TPX2: variants seen among roughly 807,000 people sequenced by gnomAD.
The protein encoded by TPX2 is targeting protein for Xklp2.
Under a neutral mutation model 93.6 loss-of-function variants are expected in TPX2, and 21 were observed. The observed-to-expected ratio is 0.22, with a 90% CI of 0.16 to 0.32. The LOEUF is 0.32. Ranked by LOEUF, TPX2 falls within the 10% of genes least tolerant of loss-of-function variation. The probability of loss-of-function intolerance (pLI) is 1.00; values close to 1 mark genes in which losing one functional copy is unlikely to be tolerated. For synonymous variants in TPX2, 281 were observed against 298.3 expected, an observed-to-expected ratio of 0.94 and a Z score of 0.60; for missense variants, 776 against 871.1, an observed-to-expected ratio of 0.89 and a Z score of 1.37.
At chr20:31,798,654 T>C in intron 17 of TPX2, 102 bp downstream of exon 17, 1 of 1,370,624 alleles carries the variant, frequency 7.3e-7, no homozygotes, top group Non-Finnish European at 9.7e-7. Context: ...CCCGCAAGGC[T>C]GTACCAAAGA....
Position 31,792,881 on chromosome 20 carries a change from A to G in TPX2, c.1509+51A>G, listed in dbSNP as rs375452376. The G allele has an allele frequency of 3.3e-6, 5 of 1,508,060 alleles. No individual in the cohort carries two copies. In the African/African-American group the frequency reaches 4.1e-5, roughly 12 times the overall value. 93.4% of individuals were successfully genotyped at this position (1,508,060 alleles called of 1,614,324 possible). ...CTTTTTCCTTCTATATAGTCAGTCA[A>G]TCTAAGCCTTATCATTTATTAATCT... On this transcript the variant is annotated intron_variant, in intron 13 of 17. Transcript: ENST00000300403.
chr20:31,763,893 C>T (rs61230368), intron 4 of TPX2, among the ~76,000 whole-genome samples: 1 of 151,178 alleles, frequency 6.6e-6, no homozygotes, highest in Non-Finnish European at 1.5e-5. Flanking sequence ...GTGGTGCGCA[C>T]CTGTAGTCCC....
chr20:31,760,254 A>G, intron 4 of TPX2, 75 bp downstream of exon 4: 1 of 1,559,956 alleles, frequency 6.4e-7, no homozygotes, highest in Non-Finnish European at 8.7e-7. Flanking sequence ...GGTTCTGGGA[A>G]AATTACCTAA....
At chr20:31,764,698 C>T (rs2061913180) in intron 4 of TPX2, among the ~76,000 whole-genome samples, 1 of 152,086 alleles carries the variant, frequency 6.6e-6, no homozygotes, top group Non-Finnish European at 1.5e-5. Flanking sequence ...TCTATTTTAG[C>T]CTTGACATGC....
At chr20:31,773,678 T>A (rs953885077) in intron 7 of TPX2, among the ~76,000 whole-genome samples, 3 of 152,216 alleles carry the variant, frequency 2.0e-5, no homozygotes, top group Non-Finnish European at 2.9e-5. Flanking sequence ...TTTCTTTTTT[T>A]AAATTCATAT....
At chr20:31,753,984 C>CCACT (rs954091241) in intron 2 of TPX2, among the ~76,000 whole-genome samples, 1 of 152,086 alleles carries the variant, frequency 6.6e-6, no homozygotes, top group African/African-American at 2.4e-5. Context: ...CAAGATCATG[C>CCACT]CACTGCACTC....
At chr20:31,789,018 C>T (rs2062084255) in intron 12 of TPX2, among the ~76,000 whole-genome samples, 1 of 152,132 alleles carries the variant, frequency 6.6e-6, no homozygotes, top group African/African-American at 2.4e-5. Flanking sequence ...ATTCCCATCC[C>T]CAGTCCTGGC....
chr20:31,744,079 G>A (rs1191062923), intron 2 of TPX2, among the ~76,000 whole-genome samples: 4 of 151,350 alleles, frequency 2.6e-5, no homozygotes, highest in Non-Finnish European at 5.9e-5. Flanking sequence ...CCACAGATAT[G>A]GAACTCATAG....
At chr20:31,789,993 A>T (rs977728585) in intron 12 of TPX2, among the ~76,000 whole-genome samples, 3 of 152,252 alleles carry the variant, frequency 2.0e-5, no homozygotes, top group Admixed American at 1.3e-4. Context: ...GTTTAAGGTT[A>T]TACAGATTGG....
Position 31,801,206 on chromosome 20 carries a change from C to G in TPX2, c.*126C>G, listed in dbSNP as rs925252723. The G allele has an allele frequency of 1.2e-5, 9 of 742,758 alleles. No homozygotes were observed. In the African/African-American group the frequency reaches 1.2e-4, roughly 10 times the overall value. 46.0% of individuals were successfully genotyped at this position (742,758 alleles called of 1,614,324 possible). ...TTCTCCAGACTTTTACCTACCCGTG[C>G]CTGAGAAAGCATACTTGACAACTGT... On this transcript the variant is annotated 3_prime_UTR_variant, in exon 18 of 18. Transcript: ENST00000300403.
At chr20:31,753,877 T>G (rs1433675817) in intron 2 of TPX2, among the ~76,000 whole-genome samples, 1 of 151,680 alleles carries the variant, frequency 6.6e-6, no homozygotes, top group Non-Finnish European at 1.5e-5. Context: ...AATAGAAAAA[T>G]TAGCCAGGCG....
At chr20:31,771,437 C>T (rs1046705960) in intron 6 of TPX2, 123 bp from the exon 7 acceptor site, 2 of 1,254,442 alleles carry the variant, frequency 1.6e-6, no homozygotes, top group Admixed American at 5.8e-5. Flanking sequence ...ATCATGTGGT[C>T]GAAGCATGCT....
intron 2 of TPX2, among the ~76,000 whole-genome samples, chr20:31,747,994 G>A (rs1462527778): frequency 2.0e-5 from 3 of 151,962 alleles, no homozygotes; most frequent in Non-Finnish European, 4.4e-5. Context: ...TCGTGAAACC[G>A]AAATTACCCA....
At chr20:31,755,131 G>A (rs1043304965) in intron 2 of TPX2, among the ~76,000 whole-genome samples, 1 of 152,028 alleles carries the variant, frequency 6.6e-6, no homozygotes, top group Non-Finnish European at 1.5e-5. Context: ...TGTATTTTTA[G>A]TAGAGACAGG....
chr20:31,777,639 G>T lies in TPX2; in HGVS notation c.882+1G>T. 1.2e-6 allele frequency: 2 copies of T among 1,611,878 alleles called. No homozygotes were observed. The highest frequency in any genetic ancestry group is 1.7e-6 in the Non-Finnish European group (2 of 1,178,596). The stretch of plus-strand genomic sequence containing the variant: ...ACTACGAAAGCATCCTTCATCTCCT[G>T]TAAGTTGATGGACTAAATGAACATT... On this transcript the variant is annotated splice_donor_variant, in intron 9 of 17. Transcript: ENST00000300403. LOFTEE classifies it high-confidence loss of function.
chr20:31,762,093 G>A (rs554034406), intron 4 of TPX2, among the ~76,000 whole-genome samples: 7 of 152,238 alleles, frequency 4.6e-5, no homozygotes, highest in Non-Finnish European at 8.8e-5. Flanking sequence ...TTGTCCGGCT[G>A]TTGAGTTATT....
intron 8 of TPX2, among the ~76,000 whole-genome samples, chr20:31,776,450 G>A (rs2062000205): frequency 6.6e-6 from 1 of 151,850 alleles, no homozygotes; most frequent in Non-Finnish European, 1.5e-5. Flanking sequence ...TAAAAAAGAT[G>A]TGTTTATTCC....
intron 2 of TPX2, among the ~76,000 whole-genome samples, chr20:31,746,203 A>C (rs2061782909): frequency 6.6e-6 from 1 of 152,240 alleles, no homozygotes; most frequent in Admixed American, 6.5e-5. Context: ...AGAAGTTAGC[A>C]AACATAAATG....
intron 4 of TPX2, among the ~76,000 whole-genome samples, chr20:31,764,876 T>C (rs1193711084): frequency 1.3e-5 from 2 of 152,110 alleles, no homozygotes; most frequent in Non-Finnish European, 2.9e-5. Context: ...TTATCAGGAG[T>C]CAGTTCATAT....
Sources: allele counts gnomAD v4.1 joint callset (sites outside exome capture counted in the v4.1 genomes callset), GRCh38; gene constraint gnomAD v4.1.1; transcripts MANE v1.5; gene names NCBI Gene and HGNC (gene_info 2026-07-23, HGNC 2026-07-21).